The following USP34 variants were observed in gnomAD, a reference collection of about 807,000 sequenced individuals.
USP34 encodes the protein ubiquitin carboxyl-terminal hydrolase 34.
A neutral mutation model predicts 460.3 loss-of-function variants in USP34; 70 were observed. The ratio of observed to expected loss-of-function variants is 0.15; its 90% CI spans 0.13 to 0.19. The LOEUF (loss-of-function observed/expected upper bound fraction) is 0.19. USP34 is among the 10% of genes least tolerant of loss of function. The pLI is 1.00. For missense variants in USP34, 3,985 were observed against 4,236.2 expected (o/e 0.94, Z 1.65); for synonymous variants, 1,647 against 1,405.3 (o/e 1.17, Z -3.85).
At chr2:61,231,867 T>C (rs1166907956) in intron 58 of USP34, among the ~76,000 whole-genome samples, 4 of 149,028 alleles carry the variant, frequency 2.7e-5, no homozygotes, top group African/African-American at 9.8e-5. Context: ...AATATATAAA[T>C]ATGATATATA....
chr2:61,346,342 C>A (rs1323139252), intron 15 of USP34: 1 of 117,790 alleles, frequency 8.5e-6, no homozygotes, highest in East Asian at 2.5e-4. Flanking sequence ...TAGCAATACT[C>A]TGTCTCTATA....
At chr2:61,202,142 A>G (rs1245900079) in intron 75 of USP34, among the ~76,000 whole-genome samples, 2 of 152,204 alleles carry the variant, frequency 1.3e-5, no homozygotes, top group Non-Finnish European at 2.9e-5. Flanking sequence ...TATCCCTGAC[A>G]GCTGTTACCA....
At chr2:61,318,058 T>G (rs1690803970) in intron 22 of USP34, among the ~76,000 whole-genome samples, 2 of 151,688 alleles carry the variant, frequency 1.3e-5, no homozygotes, top group Admixed American at 6.6e-5. Flanking sequence ...CCGGGCATGG[T>G]GGTGTGTGGC....
At chr2:61,378,514 A>T (rs1692863582) in intron 7 of USP34, 90 bp from the exon 8 acceptor site, 1 of 769,390 alleles carries the variant, frequency 1.3e-6, no homozygotes, top group Non-Finnish European at 2.2e-6. Flanking sequence ...ACTGATTGAC[A>T]TATGTAGATC....
At chr2:61,336,809 C>CAAAAAA (rs10593128) in intron 18 of USP34, among the ~76,000 whole-genome samples, 4 of 65,018 alleles carry the variant, frequency 6.2e-5, no homozygotes, top group South Asian at 5.9e-4. Flanking sequence ...GACTCCATCT[C>CAAAAAA]AAAAAAAAAA....
At chr2:61,316,811 G>A (rs1483265200) in intron 23 of USP34, among the ~76,000 whole-genome samples, 6 of 149,796 alleles carry the variant, frequency 4.0e-5, no homozygotes, top group African/African-American at 4.9e-5. Flanking sequence ...GCTAGAACCC[G>A]GGAGGTGGCG....
At position 61,241,486 on chromosome 2, in the gene USP34, C is replaced by G. The variant is rs541292539; in HGVS notation, c.6777+74G>C. ...CAGATATCAACCTGTAGAACCTGTT[C>G]TTACACTACAGTATTCCTTGCATAA... On this transcript the variant is annotated intron_variant, in intron 53 of 79. Coordinates refer to ENST00000398571, the MANE Select transcript of USP34 (RefSeq NM_014709.4). 4 of 1,084,344 alleles carry G rather than the reference C, an allele frequency of 3.7e-6. No individual in the cohort carries two copies. In the South Asian group the frequency reaches 6.5e-5, roughly 18 times the overall value. The allele number at this position is 1,084,344 out of a possible 1,614,324, so 67.2% of individuals were successfully genotyped here.
intron 44 of USP34, among the ~76,000 whole-genome samples, chr2:61,258,647 GA>G (rs945417082): frequency 1.3e-5 from 2 of 151,766 alleles, no homozygotes; most frequent in Non-Finnish European, 2.9e-5. Flanking sequence ...AGGGTAGGGG[GA>G]AAAAACCCAG....
At chr2:61,380,071 CAAT>C in intron 7 of USP34, 95 bp downstream of exon 7, 1 of 992,024 alleles carries the variant, frequency 1.0e-6, no homozygotes, top group African/African-American at 1.6e-5. Context: ...ATACTTAGCA[CAAT>C]GCCTAGTATG....
At chr2:61,467,622 T>TTTG (rs1553397173) in intron 1 of USP34, among the ~76,000 whole-genome samples, 5 of 142,732 alleles carry the variant, frequency 3.5e-5, no homozygotes, top group African/African-American at 1.3e-4. Context: ...ACTTTGTTTT[T>TTTG]TTTTTTTTTT....
chr2:61,389,483 T>C (rs1055455928), intron 5 of USP34, among the ~76,000 whole-genome samples: 1 of 151,968 alleles, frequency 6.6e-6, no homozygotes, highest in African/African-American at 2.4e-5. Context: ...TGAAGAAAAA[T>C]GTCAATACAA....
At chr2:61,200,935 C>G (rs1686957912) in intron 75 of USP34, among the ~76,000 whole-genome samples, 1 of 151,916 alleles carries the variant, frequency 6.6e-6, no homozygotes, top group Non-Finnish European at 1.5e-5. Context: ...GTTCTTAGGT[C>G]TTTGTCTAAG....
chr2:61,428,979 C>CT (rs576064406), intron 1 of USP34, among the ~76,000 whole-genome samples: 106 of 152,070 alleles, frequency 7.0e-4, no homozygotes, highest in African/African-American at 2.5e-3. Flanking sequence ...TTTACTCACA[C>CT]TAGAAACAAA....
intron 25 of USP34, 82 bp downstream of exon 25, chr2:61,314,503 T>C (rs1409787612): frequency 3.1e-6 from 4 of 1,275,122 alleles, no homozygotes; most frequent in South Asian, 5.2e-5. Context: ...ACAAAAACTT[T>C]AGATTCACTT....
intron 2 of USP34, among the ~76,000 whole-genome samples, chr2:61,413,422 A>G (rs2103954700): frequency 6.8e-6 from 1 of 147,516 alleles, no homozygotes; most frequent in Non-Finnish European, 1.5e-5. Flanking sequence ...AAAAAAACAA[A>G]AGAGGCCGAG....
At position 61,206,896 on chromosome 2, in the gene USP34, A is replaced by G; in HGVS notation, c.8920-10T>C. The G allele has an allele frequency of 6.2e-7, 1 of 1,606,558 alleles. No homozygotes were observed. The highest frequency in any genetic ancestry group is 1.3e-5 in the African/African-American group (1 of 74,498). On this transcript the variant is annotated splice_polypyrimidine_tract_variant and intron_variant, in intron 70 of 79. Transcript: ENST00000398571. ...GCAAAGTGTTGAAAGACTACAAATG[A>G]TTTGAAAAAATTGAAAACTTAATTT...
intron 3 of USP34, among the ~76,000 whole-genome samples, chr2:61,397,939 C>T (rs1033594512): frequency 2.0e-5 from 3 of 152,040 alleles, no homozygotes; most frequent in Non-Finnish European, 2.9e-5. Flanking sequence ...TGATGGCACA[C>T]GCCTGTAATC....
intron 5 of USP34, among the ~76,000 whole-genome samples, chr2:61,386,269 C>T (rs1442648493): frequency 2.6e-5 from 4 of 151,972 alleles, no homozygotes; most frequent in Non-Finnish European, 5.9e-5. Context: ...GCCAGGAGTT[C>T]AACACTAACC....
intron 1 of USP34, among the ~76,000 whole-genome samples, chr2:61,462,335 G>A (rs1416388509): frequency 6.6e-6 from 1 of 151,804 alleles, no homozygotes; most frequent in African/African-American, 2.4e-5. Flanking sequence ...AATCACTTGA[G>A]GCTAGGAGTT....
Sources: gnomAD v4.1 joint callset for allele counts (sites outside exome capture counted in the v4.1 genomes callset) on GRCh38, gnomAD v4.1.1 for gene constraint, MANE v1.5 for transcripts, NCBI Gene and HGNC (gene_info 2026-07-23, HGNC 2026-07-21) for gene names.